Variants in EPB41L4B observed in about 807,000 individuals in gnomAD.
EPB41L4B encodes the protein erythrocyte membrane protein band 4.1 like 4B, also known as band 4.1-like protein 4B.
In EPB41L4B, 30 loss-of-function variants were observed where a neutral mutation model predicts 112.5. The ratio of observed to expected loss-of-function variants is 0.27; its 90% CI spans 0.20 to 0.36. The LOEUF is 0.36. Among genes scored for constraint, EPB41L4B ranks in the 10% least tolerant of loss-of-function variants. The pLI, the probability that EPB41L4B is intolerant of heterozygous loss-of-function variation, is 1.00. For synonymous variants in EPB41L4B, 408 were observed against 439.7 expected (o/e 0.93, Z 0.90); for missense variants, 1,024 against 1,133.3 (o/e 0.90, Z 1.38).
Position 109,239,350 on chromosome 9 carries a change from G to A in EPB41L4B, c.1409+4268C>T, listed in dbSNP as rs894775336. Among the ~76,000 whole-genome samples, 6 of 152,228 alleles carry A rather than the reference G, an allele frequency of 3.9e-5. 1 individual carries two copies. In the East Asian group the frequency reaches 1.2e-3, roughly 29 times the overall value. On this transcript the variant is annotated intron_variant, in intron 15 of 25. Transcript: ENST00000374566. ...TGTGGGAGGAGGGTAAAAGATGATC[G>A]ATTTGATTTTTGATAGGTGGAGTTT...
chr9:109,236,790 G>C (rs150876994), intron 15 of EPB41L4B, among the ~76,000 whole-genome samples: 1 of 152,272 alleles, frequency 6.6e-6, no homozygotes, highest in Non-Finnish European at 1.5e-5. Context: ...CATGTGCAAG[G>C]GACCTTTAAC....
At chr9:109,197,676 C>T (rs1439163395) in intron 20 of EPB41L4B, among the ~76,000 whole-genome samples, 1 of 151,638 alleles carries the variant, frequency 6.6e-6, no homozygotes, top group Admixed American at 6.6e-5. Flanking sequence ...TTTGATTAGC[C>T]GGGCATGGTG....
chr9:109,216,011 C>T (rs958484372), intron 16 of EPB41L4B, among the ~76,000 whole-genome samples: 2 of 152,208 alleles, frequency 1.3e-5, no homozygotes, highest in Non-Finnish European at 2.9e-5. Context: ...TGTAACTTCT[C>T]TTTCTGGGAC....
chr9:109,288,248 T>C (rs148553480), intron 1 of EPB41L4B, among the ~76,000 whole-genome samples: 54 of 152,314 alleles, frequency 3.5e-4, no homozygotes, highest in African/African-American at 1.3e-3. Context: ...CTGAATCTAC[T>C]GGCTCTGTGA....
At chr9:109,297,073 T>TA (rs1231851491) in intron 1 of EPB41L4B, among the ~76,000 whole-genome samples, 1 of 151,680 alleles carries the variant, frequency 6.6e-6, no homozygotes, top group Non-Finnish European at 1.5e-5. Context: ...AGAATGACCC[T>TA]AATCCAATCT....
At chr9:109,262,956 G>T in intron 6 of EPB41L4B, 94 bp downstream of exon 6, 1 of 869,912 alleles carries the variant, frequency 1.1e-6, no homozygotes, top group Non-Finnish European at 1.8e-6. Flanking sequence ...TATCCCCAAA[G>T]CTAAGCACTG....
chr9:109,242,918 G>A (rs1834403590), intron 15 of EPB41L4B, among the ~76,000 whole-genome samples: 1 of 151,004 alleles, frequency 6.6e-6, no homozygotes, highest in Non-Finnish European at 1.5e-5. Flanking sequence ...ATGCCAGTTG[G>A]CTTAGAAAGG....
At chr9:109,227,643 G>T (rs928464248) in intron 15 of EPB41L4B, among the ~76,000 whole-genome samples, 1 of 151,606 alleles carries the variant, frequency 6.6e-6, no homozygotes, top group Non-Finnish European at 1.5e-5. Context: ...GTGCAGTGGC[G>T]TGATCTCGGC....
At chr9:109,175,760 C>T (rs1384212172) in intron 25 of EPB41L4B, among the ~76,000 whole-genome samples, 3 of 152,142 alleles carry the variant, frequency 2.0e-5, no homozygotes, top group Middle Eastern at 3.2e-3. Context: ...CAAGGCCCTA[C>T]GCAGTCTGGC....
chr9:109,301,971 G>C (rs1434198531), intron 1 of EPB41L4B, among the ~76,000 whole-genome samples: 1 of 152,166 alleles, frequency 6.6e-6, no homozygotes, highest in Admixed American at 6.5e-5. Context: ...TTCAAGTCCT[G>C]CTTCTTCCCT....
At chr9:109,301,277 TCAGCTTTG>T (rs1229923916) in intron 1 of EPB41L4B, 2 of 152,234 alleles carry the variant, frequency 1.3e-5, no homozygotes, top group Non-Finnish European at 2.9e-5. Context: ...CACCTGTCAC[TCAGCTTTG>T]ACAATGATCA....
At chr9:109,293,030 C>T (rs1342661910) in intron 1 of EPB41L4B, among the ~76,000 whole-genome samples, 1 of 152,196 alleles carries the variant, frequency 6.6e-6, no homozygotes, top group Non-Finnish European at 1.5e-5. Flanking sequence ...CACACGAGCC[C>T]ACCTTCCAAC....
chr9:109,313,187 A>G (rs955102559), intron 1 of EPB41L4B, among the ~76,000 whole-genome samples: 1 of 152,248 alleles, frequency 6.6e-6, no homozygotes, highest in African/African-American at 2.4e-5. Flanking sequence ...TCTGCCCCTC[A>G]AGACTGGGAG....
At chr9:109,258,009 A>C (rs1461758721) in intron 7 of EPB41L4B, among the ~76,000 whole-genome samples, 168 bp downstream of exon 7, 2 of 152,176 alleles carry the variant, frequency 1.3e-5, no homozygotes, top group African/African-American at 4.8e-5. Flanking sequence ...TAAAAAGGAC[A>C]AGATGTGGGC....
chr9:109,302,642 G>A (rs944688551), intron 1 of EPB41L4B, among the ~76,000 whole-genome samples: 5 of 151,858 alleles, frequency 3.3e-5, no homozygotes, highest in African/African-American at 1.2e-4. Context: ...CTGACCTAGG[G>A]GACTATATGA....
intron 1 of EPB41L4B, among the ~76,000 whole-genome samples, chr9:109,287,871 G>T (rs936652236): frequency 6.6e-6 from 1 of 152,094 alleles, no homozygotes; most frequent in Non-Finnish European, 1.5e-5. Context: ...CAAAGTGCTG[G>T]GATTACAGGT....
intron 21 of EPB41L4B, among the ~76,000 whole-genome samples, chr9:109,193,887 G>C (rs1832551027): frequency 6.6e-6 from 1 of 152,166 alleles, no homozygotes; most frequent in Non-Finnish European, 1.5e-5. Context: ...CTATGGTTGG[G>C]GGGGAATCAT....
chr9:109,254,603 CTGGGAGCACATTTTAAA>C (rs1834913188), intron 11 of EPB41L4B, among the ~76,000 whole-genome samples: 1 of 152,062 alleles, frequency 6.6e-6, no homozygotes, highest in African/African-American at 2.4e-5. Flanking sequence ...CTCAAAAACC[CTGGGAGCACATTTTAAA>C]TGCGTACTGC....
At chr9:109,276,714 A>T (rs1399409489) in intron 2 of EPB41L4B, among the ~76,000 whole-genome samples, 2 of 152,204 alleles carry the variant, frequency 1.3e-5, no homozygotes, top group Non-Finnish European at 2.9e-5. Flanking sequence ...CTGCCAGCCA[A>T]GTCAGCAGAG....
Sources: gnomAD v4.1 joint callset for allele counts (sites outside exome capture counted in the v4.1 genomes callset) on GRCh38, gnomAD v4.1.1 for gene constraint, MANE v1.5 for transcripts, NCBI Gene and HGNC (gene_info 2026-07-23, HGNC 2026-07-21) for gene names.